The following NCS1 variants were observed in gnomAD, a reference collection of about 807,000 sequenced individuals.
NCS1 encodes neuronal calcium sensor 1.
NCS1 carries 6 observed loss-of-function variants against 28.4 expected under a neutral mutation model. That is an observed-to-expected ratio of 0.21 (90% CI 0.12 to 0.42). The LOEUF is 0.42. Ranked by LOEUF, NCS1 falls within the 10% of genes least tolerant of loss-of-function variation. The pLI is 1.00. For missense variants in NCS1, 131 were observed against 241.4 expected (o/e 0.54, Z 3.03); for synonymous variants, 86 against 99.3 (o/e 0.87, Z 0.79).
intron 4 of NCS1, among the ~76,000 whole-genome samples, chr9:130,221,498 G>A (rs1009441705): frequency 3.6e-5 from 5 of 140,790 alleles, no homozygotes; most frequent in African/African-American, 7.8e-5. Context: ...GCAGTAGTTC[G>A]ATCTCGGCTT....
chr9:130,196,334 C>G (rs1354477671), intron 1 of NCS1, among the ~76,000 whole-genome samples: 1 of 152,230 alleles, frequency 6.6e-6, no homozygotes, highest in Admixed American at 6.5e-5. Flanking sequence ...CTCGAGTCCC[C>G]GGCTCTGCTG....
chr9:130,197,793 C>T (rs560863791), intron 1 of NCS1, among the ~76,000 whole-genome samples: 1 of 152,212 alleles, frequency 6.6e-6, no homozygotes, highest in Admixed American at 6.5e-5. Flanking sequence ...GAAACCCTGT[C>T]TCTACCTAAA....
Position 130,232,136 on chromosome 9 carries a change from C to T in NCS1, c.*18-854C>T, listed in dbSNP as rs1279920492. On this transcript the variant is annotated intron_variant, in intron 7 of 7. Transcript: ENST00000372398. The surrounding 1 kb of genome is among the most constrained non-coding windows in gnomAD (Gnocchi z 4.4). ...TAATTTTTGTATTTTTGGTAGAGACCGGGTTTCACTGTGTTGGCCAAGCTG... is the reference window on the plus strand; with the variant it reads ...TAATTTTTGTATTTTTGGTAGAGACTGGGTTTCACTGTGTTGGCCAAGCTG... Among the ~76,000 whole-genome samples the T allele has an allele frequency of 6.6e-6, 1 of 151,974 alleles. No homozygotes were observed. Among genetic ancestry groups the T allele is most frequent in the Non-Finnish European group, 1.5e-5 (1 of 67,996 alleles).
chr9:130,208,342 C>G (rs934781437), intron 2 of NCS1, among the ~76,000 whole-genome samples: 17 of 151,996 alleles, frequency 1.1e-4, no homozygotes, highest in African/African-American at 4.1e-4. Flanking sequence ...TGCAGTGGTA[C>G]AATCTTGGCT....
At chr9:130,182,205 AG>A (rs1359931932) in intron 1 of NCS1, among the ~76,000 whole-genome samples, 4 of 152,288 alleles carry the variant, frequency 2.6e-5, no homozygotes, top group African/African-American at 9.6e-5. Context: ...AGGCAAGTTC[AG>A]GGACACGCCC....
intron 1 of NCS1, among the ~76,000 whole-genome samples, chr9:130,188,870 C>T (rs1456063148): frequency 2.0e-5 from 3 of 152,022 alleles, no homozygotes; most frequent in African/African-American, 7.2e-5. Flanking sequence ...GTGCCTGCCA[C>T]CATGCCTAGC....
Position 130,200,990 on chromosome 9 carries a change from G to A in NCS1, c.89+8G>A. 6.2e-7 allele frequency: 1 copy of A among 1,614,176 alleles called. No homozygotes were observed. The highest frequency in any genetic ancestry group is 8.5e-7 in the Non-Finnish European group (1 of 1,180,042). On this transcript the variant is annotated splice_region_variant and intron_variant, in intron 2 of 7. Transcript: ENST00000372398. ...GAAGGAGGTCCAGCAGTGGTGAGTA[G>A]CTGCTTTTTCTCAAACCGTAGAGGG...
Position 130,235,332 on chromosome 9 carries a change from G to C in NCS1, c.*2360G>C, listed in dbSNP as rs1833569525. 1 of 152,508 alleles carries C rather than the reference G, an allele frequency of 6.6e-6. No individual in the cohort carries two copies. Among genetic ancestry groups the C allele is most frequent in the Non-Finnish European group, 1.5e-5 (1 of 68,288 alleles). The allele number at this position is 152,508 out of a possible 1,614,324, so 9.4% of individuals were successfully genotyped here. A position where few individuals can be genotyped will look rare whatever the true frequency, so the allele number is the denominator to read the frequency against. Reference sequence around the variant, plus strand: ...GCAGGGAACGAACATGGTGGCTTTGGGCTGAGAGGATGAGGGAGGTCTTTC... The same window carrying C: ...GCAGGGAACGAACATGGTGGCTTTGCGCTGAGAGGATGAGGGAGGTCTTTC... On this transcript the variant is annotated 3_prime_UTR_variant, in exon 8 of 8. Coordinates refer to ENST00000372398, the MANE Select transcript of NCS1 (RefSeq NM_014286.4).
chr9:130,229,949 A>G (rs573697592), intron 7 of NCS1, among the ~76,000 whole-genome samples: 1 of 152,292 alleles, frequency 6.6e-6, no homozygotes, highest in East Asian at 1.9e-4. Flanking sequence ...TTGAGCCATC[A>G]TTTTTCATAG....
intron 1 of NCS1, among the ~76,000 whole-genome samples, chr9:130,194,747 C>T (rs1335652480): frequency 6.6e-6 from 1 of 152,126 alleles, no homozygotes; most frequent in Non-Finnish European, 1.5e-5. Context: ...TGGCCCATTG[C>T]CAGTTTTAAA....
chr9:130,186,238 A>T lies in NCS1; in HGVS notation c.64+13511A>T, dbSNP rs1832737156. 6.6e-6 allele frequency among the ~76,000 whole-genome samples: 1 copy of T among 152,182 alleles called. No individual in the cohort carries two copies. The highest frequency in any genetic ancestry group is 1.5e-5 in the Non-Finnish European group (1 of 68,026). On this transcript the variant is annotated intron_variant, in intron 1 of 7. Transcript: ENST00000372398. This position sits in a 1 kb window ranked among gnomAD's most constrained non-coding sequence, Gnocchi z 4.1. ...TGGCTGGATTTCTGGCCCTGCTGGCATTCACAGTTTGGCGGGGAGGCAGAT... is the reference window on the plus strand; with the variant it reads ...TGGCTGGATTTCTGGCCCTGCTGGCTTTCACAGTTTGGCGGGGAGGCAGAT...
At chr9:130,185,438 G>A (rs1832725711) in intron 1 of NCS1, among the ~76,000 whole-genome samples, 1 of 152,182 alleles carries the variant, frequency 6.6e-6, no homozygotes, top group Admixed American at 6.5e-5. Context: ...GGCTGGGGGA[G>A]GGGGGTTTTC....
At position 130,226,460 on chromosome 9, in the gene NCS1, G is replaced by A. The variant is rs782087424; in HGVS notation, c.546G>A (p.Ala182=). 2.2e-5 allele frequency: 36 copies of A among 1,613,876 alleles called. No individual in the cohort carries two copies. In the Middle Eastern group the frequency reaches 4.9e-4, roughly 22 times the overall value. Reference sequence around the variant, plus strand: ...AGGCAGACCCGTCCATTGTGCAGGCGCTGTCCCTCTACGACGGGCTGGTAT... The same window carrying A: ...AGGCAGACCCGTCCATTGTGCAGGCACTGTCCCTCTACGACGGGCTGGTAT... ...GSKADPSIVQ[A]LSLYDGLV Residue 182 remains alanine (A), a synonymous_variant, in exon 7 of 8, where the codon GCG becomes GCA. Transcript: ENST00000372398. The surrounding 1 kb of genome is among the most constrained non-coding windows in gnomAD (Gnocchi z 4.8).
rs1832597869 is a variant in NCS1, at chr9:130,177,924, C to T, written c.64+5197C>T. Among the ~76,000 whole-genome samples the T allele has an allele frequency of 6.6e-6, 1 of 152,202 alleles. No homozygotes were observed. The highest frequency in any genetic ancestry group is 2.4e-5 in the African/African-American group (1 of 41,466). On this transcript the variant is annotated intron_variant, in intron 1 of 7. Transcript: ENST00000372398. This position sits in a 1 kb window ranked among gnomAD's most constrained non-coding sequence, Gnocchi z 4.4. ...CTCCTCTCACCGGCTTCACTTTCCG[C>T]CTCTGGAAAATGGGCAGTTTTGGAA...
rs1832591403 is a variant in NCS1, at chr9:130,177,613, G to A, written c.64+4886G>A. Reference sequence around the variant, plus strand: ...TCTCGGCATCGGGATGGGCATCTGGGCAAGAAACATCACCTGTGTTATTAG... The same window carrying A: ...TCTCGGCATCGGGATGGGCATCTGGACAAGAAACATCACCTGTGTTATTAG... On this transcript the variant is annotated intron_variant, in intron 1 of 7. Transcript: ENST00000372398. This position sits in a 1 kb window ranked among gnomAD's most constrained non-coding sequence, Gnocchi z 4.4. 6.6e-6 allele frequency among the ~76,000 whole-genome samples: 1 copy of A among 152,212 alleles called. No individual in the cohort carries two copies. Among genetic ancestry groups the A allele is most frequent in the Admixed American group, 6.5e-5 (1 of 15,278 alleles).
intron 2 of NCS1, 135 bp from the exon 3 acceptor site, chr9:130,217,697 T>A: frequency 1.5e-6 from 2 of 1,312,542 alleles, no homozygotes; most frequent in Non-Finnish European, 2.2e-6. Context: ...GCCTATCAAG[T>A]CCATGGCCCC....
chr9:130,204,018 A>C (rs781947721), intron 2 of NCS1, among the ~76,000 whole-genome samples: 4 of 152,028 alleles, frequency 2.6e-5, no homozygotes, highest in Non-Finnish European at 4.4e-5. Context: ...TTTGAGACAG[A>C]GTCTCGCCTT....
intron 2 of NCS1, among the ~76,000 whole-genome samples, chr9:130,208,878 G>C (rs572019320): frequency 6.8e-6 from 1 of 146,150 alleles, no homozygotes; most frequent in East Asian, 2.0e-4. Context: ...ACACAGCTCT[G>C]TGTGTGTGTG....
chr9:130,230,332 C>CA (rs1355478239), intron 7 of NCS1, among the ~76,000 whole-genome samples: 1 of 152,086 alleles, frequency 6.6e-6, no homozygotes, highest in African/African-American at 2.4e-5. Context: ...GCCTGGGTGA[C>CA]AGAGTGAGAC....
Sources: allele counts gnomAD v4.1 joint callset (sites outside exome capture counted in the v4.1 genomes callset), GRCh38; gene constraint gnomAD v4.1.1; non-coding constraint Gnocchi (gnomAD v3.1); transcripts MANE v1.5; gene names NCBI Gene and HGNC (gene_info 2026-07-23, HGNC 2026-07-21).